EXTL3: variants seen among roughly 807,000 people sequenced by gnomAD.
EXTL3 encodes the protein exostosin-like 3.
EXTL3 carries 27 observed loss-of-function variants against 69.3 expected under a neutral mutation model. The ratio of observed to expected loss-of-function variants is 0.39; its 90% CI spans 0.29 to 0.54. The LOEUF is 0.54. Among genes scored for constraint, EXTL3 ranks in the 20% least tolerant of loss-of-function variants. The probability of loss-of-function intolerance (pLI) is 0.69; values close to 1 mark genes in which losing one functional copy is unlikely to be tolerated. For synonymous variants in EXTL3, 511 were observed against 499.4 expected, an observed-to-expected ratio of 1.02 and a Z score of -0.31; for missense variants, 1,003 against 1,231.8, an observed-to-expected ratio of 0.81 and a Z score of 2.78.
At chr8:28,679,144 C>T (rs959410465) in intron 1 of EXTL3, among the ~76,000 whole-genome samples, 22 of 152,180 alleles carry the variant, frequency 1.4e-4, no homozygotes, top group African/African-American at 4.8e-4. Context: ...TTCTTGTTCC[C>T]GTTTTAAGAA....
intron 1 of EXTL3, among the ~76,000 whole-genome samples, chr8:28,691,182 C>T (rs1275015598): frequency 1.3e-5 from 2 of 152,150 alleles, no homozygotes; most frequent in African/African-American, 4.8e-5. Context: ...TGACCACCAC[C>T]ATGGTCATTT....
chr8:28,668,124 G>A lies in EXTL3; in HGVS notation c.-53+45314G>A, dbSNP rs977812577. On this transcript the variant is annotated intron_variant, in intron 1 of 6. Transcript: ENST00000523149. ...CAAAATAAAACTGAAAAAATTATTC[G>A]GGCATGGTGGCATGCACTTGTAGTG... 2.2e-4 allele frequency among the ~76,000 whole-genome samples: 34 copies of A among 151,600 alleles called. 1 individual carries two copies. Among genetic ancestry groups the A allele is most frequent in the African/African-American group, 8.0e-4 (33 of 41,360 alleles).
intron 1 of EXTL3, among the ~76,000 whole-genome samples, chr8:28,685,462 T>C (rs1807562304): frequency 6.7e-6 from 1 of 149,832 alleles, no homozygotes; most frequent in African/African-American, 2.4e-5. Flanking sequence ...TTTGACGACA[T>C]TGACATTTTT....
chr8:28,681,272 T>G (rs1807482830), intron 1 of EXTL3, among the ~76,000 whole-genome samples: 1 of 151,460 alleles, frequency 6.6e-6, no homozygotes, highest in East Asian at 2.0e-4. Context: ...CCCAGCACTT[T>G]GGGCGGCTGA....
At chr8:28,658,074 C>G (rs1051834225) in intron 1 of EXTL3, among the ~76,000 whole-genome samples, 18 of 152,234 alleles carry the variant, frequency 1.2e-4, no homozygotes, top group African/African-American at 4.1e-4. Flanking sequence ...GGGCAGGAAG[C>G]TCAGCAGCTG....
chr8:28,641,639 AT>A (rs1806744041), intron 1 of EXTL3, among the ~76,000 whole-genome samples: 2 of 149,222 alleles, frequency 1.3e-5, no homozygotes, highest in Non-Finnish European at 3.0e-5. Context: ...ACCACGCCTA[AT>A]TTTTGTATTT....
At chr8:28,673,920 A>G (rs533892179) in intron 1 of EXTL3, among the ~76,000 whole-genome samples, 2 of 152,342 alleles carry the variant, frequency 1.3e-5, no homozygotes, top group African/African-American at 2.4e-5. Flanking sequence ...GATTAGATTT[A>G]AAGGCACTAA....
chr8:28,609,805 G>A lies in EXTL3; in HGVS notation n.314+2047G>A, dbSNP rs141883846. Reference sequence around the variant, plus strand: ...CTTGGAAGGTTGAGGTGGGAGGTTCGCTTGAGCCCAGGAGATTGAGGCTGC... The same window carrying A: ...CTTGGAAGGTTGAGGTGGGAGGTTCACTTGAGCCCAGGAGATTGAGGCTGC... On this transcript the variant is annotated intron_variant and non_coding_transcript_variant, in intron 2 of 4. Coordinates refer to the EXTL3 transcript ENST00000522725. Among the ~76,000 whole-genome samples, 443 of 151,474 alleles carry A rather than the reference G, an allele frequency of 2.9e-3. 4 individuals carry two copies. The highest frequency in any genetic ancestry group is 9.9e-3 in the African/African-American group (409 of 41,280).
chr8:28,731,113 C>T (rs1801528966), intron 3 of EXTL3, 110 bp from the exon 4 acceptor site: 1 of 1,417,232 alleles, frequency 7.1e-7, no homozygotes. Flanking sequence ...GGAGATCAGG[C>T]AAAATTATTC....
chr8:28,737,678 G>C lies in EXTL3; in HGVS notation c.2421+15G>C. 1 of 1,614,076 alleles carries C rather than the reference G, an allele frequency of 6.2e-7. No individual in the cohort carries two copies. Among genetic ancestry groups the C allele is most frequent in the Non-Finnish European group, 8.5e-7 (1 of 1,179,882 alleles). ...TCTTTCACAAGGTAAGAAAAAGCTG[G>C]TAATAATGGCATCGACTTGGTGAGA... is the stretch of plus-strand genomic sequence containing the variant. On this transcript the variant is annotated intron_variant, in intron 5 of 6. Coordinates refer to ENST00000220562, the MANE Select transcript of EXTL3 (RefSeq NM_001440.4).
At chr8:28,621,268 C>A (rs921619995), upstream of EXTL3, among the ~76,000 whole-genome samples, 2 of 152,078 alleles carry the variant, frequency 1.3e-5, no homozygotes, top group Non-Finnish European at 2.9e-5. Context: ...GGGTGGGCCC[C>A]AAATCTAATA....
intron 2 of EXTL3, among the ~76,000 whole-genome samples, chr8:28,610,805 C>A (rs936654740): frequency 6.7e-5 from 10 of 149,938 alleles, no homozygotes; most frequent in Non-Finnish European, 1.2e-4. Context: ...GTGGTGCAAT[C>A]TCAGTTCACT....
At chr8:28,620,012 A>T (rs185901630), upstream of EXTL3, among the ~76,000 whole-genome samples, 84 of 151,498 alleles carry the variant, frequency 5.5e-4, 1 homozygote, top group African/African-American at 1.7e-3. Context: ...CTGGGACTAC[A>T]GGCGCCTGCC....
At chr8:28,673,076 C>G (rs1397036950) in intron 1 of EXTL3, among the ~76,000 whole-genome samples, 1 of 152,192 alleles carries the variant, frequency 6.6e-6, no homozygotes. Flanking sequence ...TCCATTAAAC[C>G]TCTTTCTTTA....
In EXTL3 at chr8:28,693,148, A is replaced by ATT. The variant is rs749978399; in HGVS notation, c.-52-20291_-52-20290dup. On this transcript the variant is annotated intron_variant, in intron 1 of 6. Coordinates refer to the EXTL3 transcript ENST00000523149. ...GTTAGGTGTCTTATGCAGATAACAG[A>ATT]TTTTTTTTTTTTTTTTTTTGAGATG... 6.3e-3 allele frequency among the ~76,000 whole-genome samples: 852 copies of ATT among 135,266 alleles called. 3 individuals are homozygous for ATT. Among genetic ancestry groups the ATT allele is most frequent in the African/African-American group, 0.021 (767 of 36,364 alleles). 88.7% of individuals were successfully genotyped at this position (135,266 alleles called of 152,430 possible). A position where few individuals can be genotyped will look rare whatever the true frequency, so the allele number is the denominator to read the frequency against.
chr8:28,674,791 AC>A (rs1439297389), intron 1 of EXTL3, among the ~76,000 whole-genome samples: 1 of 152,156 alleles, frequency 6.6e-6, no homozygotes, highest in African/African-American at 2.4e-5. Flanking sequence ...GAGCACTCCC[AC>A]CTTTGCTTCC....
chr8:28,706,962 A>G (rs1055823769), intron 1 of EXTL3, among the ~76,000 whole-genome samples: 2 of 152,106 alleles, frequency 1.3e-5, no homozygotes, highest in African/African-American at 2.4e-5. Flanking sequence ...AGATGAGATT[A>G]CATGTATATT....
intron 5 of EXTL3, among the ~76,000 whole-genome samples, chr8:28,738,061 G>A (rs1383107260): frequency 2.0e-5 from 3 of 152,094 alleles, no homozygotes; most frequent in African/African-American, 7.2e-5. Flanking sequence ...TGCCTGTCCC[G>A]GGCCCCACGA....
At chr8:28,665,272 G>T (rs1475901075) in intron 1 of EXTL3, among the ~76,000 whole-genome samples, 1 of 150,978 alleles carries the variant, frequency 6.6e-6, no homozygotes, top group African/African-American at 2.4e-5. Flanking sequence ...ACGGGGTTTT[G>T]CCATGTTAGC....
Sources: gnomAD v4.1 joint callset for allele counts (sites outside exome capture counted in the v4.1 genomes callset) on GRCh38, gnomAD v4.1.1 for gene constraint, MANE v1.5 for transcripts, NCBI Gene and HGNC (gene_info 2026-07-23, HGNC 2026-07-21) for gene names.